Variants in ADGRL3 observed in about 807,000 individuals in gnomAD.
ADGRL3 encodes the protein calcium-independent alpha-latrotoxin receptor 3.
Under a neutral mutation model 153.5 loss-of-function variants are expected in ADGRL3, and 62 were observed. That is an observed-to-expected ratio of 0.40 (90% CI 0.33 to 0.50). The LOEUF is 0.50. Ranked by LOEUF, ADGRL3 falls within the 20% of genes least tolerant of loss-of-function variation. The probability of loss-of-function intolerance (pLI) is 0.47; values close to 1 mark genes in which losing one functional copy is unlikely to be tolerated. For missense variants in ADGRL3, 1,641 were observed against 1,859.4 expected (o/e 0.88, Z 2.16); for synonymous variants, 710 against 672.5 (o/e 1.06, Z -0.86).
chr4:61,358,658 A>G (rs1248742005), intron 1 of ADGRL3, among the ~76,000 whole-genome samples: 3 of 151,088 alleles, frequency 2.0e-5, no homozygotes, highest in Non-Finnish European at 4.4e-5. Context: ...ACTTTTCTCA[A>G]CTGTCTCCTG....
At position 61,982,351 on chromosome 4, in the gene ADGRL3, G is replaced by T. The variant is rs137904576; in HGVS notation, c.3016-1032G>T. ...GGTATCCTTTTCTGCACTCCACATA[G>T]TGTTTAGGACCAGCTTTCTTTCTAG... On this transcript the variant is annotated intron_variant, in intron 18 of 26. Coordinates refer to ENST00000683033, the MANE Select transcript of ADGRL3 (RefSeq NM_001387552.1). Among the ~76,000 whole-genome samples the T allele has an allele frequency of 3.7e-4, 56 of 152,280 alleles. No individual in the cohort carries two copies. The East Asian group carries it at 0.01, about 28-fold the overall frequency.
At chr4:61,296,013 C>A (rs1054896713) in intron 1 of ADGRL3, among the ~76,000 whole-genome samples, 1 of 151,874 alleles carries the variant, frequency 6.6e-6, no homozygotes, top group African/African-American at 2.4e-5. Context: ...ATAACTGAAC[C>A]TTTTAGTATA....
At chr4:61,796,559 A>C (rs2152460254) in intron 8 of ADGRL3, among the ~76,000 whole-genome samples, 1 of 152,282 alleles carries the variant, frequency 6.6e-6, no homozygotes, top group Middle Eastern at 3.4e-3. Context: ...TATTATGTGG[A>C]TTCAATAAGG....
intron 13 of ADGRL3, among the ~76,000 whole-genome samples, chr4:61,914,875 C>T (rs1237442550): frequency 6.6e-6 from 1 of 152,028 alleles, no homozygotes. Flanking sequence ...TTCTCAAATG[C>T]CAATGTGCCG....
At chr4:61,398,688 G>A (rs2096895872) in intron 2 of ADGRL3, among the ~76,000 whole-genome samples, 1 of 151,078 alleles carries the variant, frequency 6.6e-6, no homozygotes, top group Non-Finnish European at 1.5e-5. Context: ...GGTTTACAAT[G>A]TCTTTCACTC....
chr4:61,588,862 G>A (rs2098957533), intron 5 of ADGRL3, among the ~76,000 whole-genome samples: 1 of 151,978 alleles, frequency 6.6e-6, no homozygotes, highest in Admixed American at 6.6e-5. Context: ...ATTTGTTTTA[G>A]TTAACCAAAC....
At chr4:61,598,179 TAAC>T (rs1560909895) in intron 5 of ADGRL3, among the ~76,000 whole-genome samples, 4 of 152,024 alleles carry the variant, frequency 2.6e-5, no homozygotes. Context: ...TGTTCAACTA[TAAC>T]AACAAACATA....
At chr4:61,215,282 C>A (rs1481604948) in intron 1 of ADGRL3, among the ~76,000 whole-genome samples, 2 of 152,120 alleles carry the variant, frequency 1.3e-5, no homozygotes, top group Non-Finnish European at 2.9e-5. Context: ...GATTGTATAA[C>A]TGCATGAATG....
intron 2 of ADGRL3, among the ~76,000 whole-genome samples, chr4:61,461,231 G>A (rs953066081): frequency 2.0e-5 from 3 of 152,116 alleles, no homozygotes; most frequent in African/African-American, 7.2e-5. Flanking sequence ...TGAGATTTCG[G>A]TGGGGACACA....
At chr4:62,062,173 T>G (rs1359904559) in intron 25 of ADGRL3, among the ~76,000 whole-genome samples, 1 of 152,010 alleles carries the variant, frequency 6.6e-6, no homozygotes, top group Non-Finnish European at 1.5e-5. Context: ...CTCATTGGGG[T>G]TTTAACCTGT....
At chr4:61,598,706 T>A (rs1286256916) in intron 5 of ADGRL3, among the ~76,000 whole-genome samples, 2 of 152,170 alleles carry the variant, frequency 1.3e-5, no homozygotes, top group East Asian at 3.9e-4. Flanking sequence ...ATAAGGTATA[T>A]ATGACATATA....
chr4:61,250,629 A>G (rs1758873786), intron 1 of ADGRL3, among the ~76,000 whole-genome samples: 1 of 152,182 alleles, frequency 6.6e-6, no homozygotes, highest in Non-Finnish European at 1.5e-5. Context: ...AATTTTCCTG[A>G]AAGTGAAATC....
At chr4:61,531,431 G>A (rs188147300) in intron 4 of ADGRL3, among the ~76,000 whole-genome samples, 5 of 152,268 alleles carry the variant, frequency 3.3e-5, no homozygotes, top group Non-Finnish European at 4.4e-5. Context: ...AGTGCCTTGC[G>A]TCATTCTGTG....
At chr4:61,517,167 G>A (rs796993680) in intron 3 of ADGRL3, 148 bp from the exon 4 acceptor site, 120 of 609,632 alleles carry the variant, frequency 2.0e-4, no homozygotes, top group African/African-American at 1.9e-3. Flanking sequence ...TCAGCTGTAG[G>A]GTTGTCTGAG....
At chr4:61,976,088 T>G (rs775869552) in intron 17 of ADGRL3, among the ~76,000 whole-genome samples, 2 of 152,176 alleles carry the variant, frequency 1.3e-5, no homozygotes, top group Non-Finnish European at 2.9e-5. Flanking sequence ...TTATAGATTT[T>G]TTAAATGTCA....
intron 4 of ADGRL3, among the ~76,000 whole-genome samples, chr4:61,575,301 A>G (rs747293810): frequency 3.3e-5 from 5 of 152,032 alleles, no homozygotes; most frequent in African/African-American, 4.8e-5. Flanking sequence ...AATAACATAG[A>G]GAACAGATGC....
chr4:62,063,330 A>T (rs766696750), intron 25 of ADGRL3, among the ~76,000 whole-genome samples: 1 of 151,984 alleles, frequency 6.6e-6, no homozygotes, highest in Non-Finnish European at 1.5e-5. Flanking sequence ...AGATATGTGC[A>T]TTGTTGGAAA....
chr4:61,499,380 C>T (rs1193492465), intron 3 of ADGRL3, among the ~76,000 whole-genome samples: 1 of 152,154 alleles, frequency 6.6e-6, no homozygotes, highest in Non-Finnish European at 1.5e-5. Flanking sequence ...TATACATTCA[C>T]ATTCTCTGCA....
At chr4:61,761,573 T>G (rs1004458570) in intron 8 of ADGRL3, among the ~76,000 whole-genome samples, 2 of 152,112 alleles carry the variant, frequency 1.3e-5, no homozygotes, top group Admixed American at 1.3e-4. Flanking sequence ...ACAGGAGGAT[T>G]GCTTGAAGCG....
Sources: gnomAD v4.1 joint callset for allele counts (sites outside exome capture counted in the v4.1 genomes callset) on GRCh38, gnomAD v4.1.1 for gene constraint, MANE v1.5 for transcripts, NCBI Gene and HGNC (gene_info 2026-07-23, HGNC 2026-07-21) for gene names.